NAALADL2: variants seen among roughly 807,000 people sequenced by gnomAD.
NAALADL2 encodes inactive N-acetylated-alpha-linked acidic dipeptidase-like protein 2.
A neutral mutation model predicts 87.2 loss-of-function variants in NAALADL2; 76 were observed. The ratio of observed to expected loss-of-function variants is 0.87; its 90% CI spans 0.72 to 1.05. The LOEUF (loss-of-function observed/expected upper bound fraction) is 1.05, where lower values mean the gene tolerates loss of function less well. NAALADL2 is among the 50% of genes least tolerant of loss of function. The probability of loss-of-function intolerance (pLI) is 0.00; values close to 1 mark genes in which losing one functional copy is unlikely to be tolerated. For missense variants in NAALADL2, 1,089 were observed against 945.8 expected, an observed-to-expected ratio of 1.15 and a Z score of -1.99; for synonymous variants, 354 against 331.0, an observed-to-expected ratio of 1.07 and a Z score of -0.75.
chr3:175,328,332 C>A (rs764775008), intron 5 of NAALADL2, among the ~76,000 whole-genome samples: 5 of 151,454 alleles, frequency 3.3e-5, no homozygotes, highest in African/African-American at 4.9e-5. Flanking sequence ...ACTTCTTGTT[C>A]ATTTATTTGT....
intron 13 of NAALADL2, among the ~76,000 whole-genome samples, chr3:175,787,050 G>A (rs995772571): frequency 2.0e-5 from 3 of 151,396 alleles, no homozygotes; most frequent in Non-Finnish European, 4.4e-5. Context: ...GGACCCACTT[G>A]AGGAGGCAGT....
At chr3:175,067,714 C>T (rs776884496) in intron 1 of NAALADL2, among the ~76,000 whole-genome samples, 1 of 152,006 alleles carries the variant, frequency 6.6e-6, no homozygotes, top group Non-Finnish European at 1.5e-5. Flanking sequence ...GCAGAACTAC[C>T]GTTTGACCCA....
At chr3:174,492,747 C>T (rs553282188) in intron 1 of NAALADL2, among the ~76,000 whole-genome samples, 1 of 152,172 alleles carries the variant, frequency 6.6e-6, no homozygotes, top group South Asian at 2.1e-4. Context: ...CAACAGTGCT[C>T]ATTACTAAGA....
At chr3:174,592,407 G>A (rs1000556145) in intron 2 of NAALADL2, among the ~76,000 whole-genome samples, 8 of 152,020 alleles carry the variant, frequency 5.3e-5, no homozygotes, top group Non-Finnish European at 7.4e-5. Flanking sequence ...TCAAAGATGA[G>A]ATAGTAGGCT....
intron 2 of NAALADL2, among the ~76,000 whole-genome samples, chr3:174,558,888 G>T (rs1713209327): frequency 2.0e-5 from 3 of 152,140 alleles, no homozygotes; most frequent in African/African-American, 7.2e-5. Context: ...GAAAGAAGCA[G>T]CTGCTTCCCC....
At chr3:175,660,312 A>G (rs534794760) in intron 11 of NAALADL2, among the ~76,000 whole-genome samples, 7 of 152,246 alleles carry the variant, frequency 4.6e-5, no homozygotes, top group African/African-American at 1.7e-4. Flanking sequence ...CATCAAGACA[A>G]TGCACAATAT....
At chr3:175,185,452 A>G (rs1737191140) in intron 2 of NAALADL2, among the ~76,000 whole-genome samples, 1 of 152,086 alleles carries the variant, frequency 6.6e-6, no homozygotes, top group Non-Finnish European at 1.5e-5. Context: ...TTGGATAATT[A>G]TCATAAATAT....
chr3:175,765,419 T>C (rs575763253), intron 13 of NAALADL2, among the ~76,000 whole-genome samples: 20 of 152,212 alleles, frequency 1.3e-4, no homozygotes, highest in African/African-American at 4.6e-4. Context: ...TTTTCACTCA[T>C]TTTGTCAATA....
chr3:175,452,645 A>C (rs1412216895), intron 6 of NAALADL2, among the ~76,000 whole-genome samples: 1 of 152,170 alleles, frequency 6.6e-6, no homozygotes, highest in Non-Finnish European at 1.5e-5. Context: ...GTGGAGACAA[A>C]TGCCAGATCA....
At chr3:174,453,751 T>C (rs1411625002) in intron 1 of NAALADL2, among the ~76,000 whole-genome samples, 1 of 152,054 alleles carries the variant, frequency 6.6e-6, no homozygotes. Flanking sequence ...TTACAAGAGC[T>C]CCTAAAGGAA....
At chr3:175,434,964 G>A (rs1718377810) in intron 5 of NAALADL2, among the ~76,000 whole-genome samples, 1 of 151,918 alleles carries the variant, frequency 6.6e-6, no homozygotes, top group Non-Finnish European at 1.5e-5. Flanking sequence ...TTTTTAGAAT[G>A]CTTTAGGGGA....
intron 2 of NAALADL2, among the ~76,000 whole-genome samples, chr3:174,574,698 CA>C (rs997813105): frequency 1.3e-5 from 2 of 152,074 alleles, no homozygotes. Context: ...GTTCCTTCTT[CA>C]GTCGATATTC....
At chr3:175,726,155 T>G (rs1286098245) in intron 11 of NAALADL2, among the ~76,000 whole-genome samples, 1 of 151,608 alleles carries the variant, frequency 6.6e-6, no homozygotes, top group Non-Finnish European at 1.5e-5. Context: ...GCCAAAAAGC[T>G]AATTTATTAT....
intron 5 of NAALADL2, among the ~76,000 whole-genome samples, chr3:175,403,918 G>C (rs1204172762): frequency 6.6e-6 from 1 of 152,052 alleles, no homozygotes; most frequent in Non-Finnish European, 1.5e-5. Context: ...TATTTATAAA[G>C]TGTTAAACAT....
rs1212191999 is a variant in NAALADL2 at position 175,805,120 on chromosome 3, T to C, written c.*1917T>C. ...TAAGCCCAAAAGCTAGAAAGCCTTA[T>C]ATTTAACCAAAGGTTGATGTGTTCA... On this transcript the variant is annotated 3_prime_UTR_variant, in exon 14 of 14. Coordinates refer to ENST00000454872, the MANE Select transcript of NAALADL2 (RefSeq NM_207015.3). The C allele has an allele frequency of 1.3e-5, 2 of 152,014 alleles. No individual in the cohort carries two copies. The highest frequency in any genetic ancestry group is 2.1e-4 in the South Asian group (1 of 4,828). 9.4% of individuals were successfully genotyped at this position (152,014 alleles called of 1,614,324 possible).
chr3:175,014,315 A>G (rs1353597622), intron 1 of NAALADL2, among the ~76,000 whole-genome samples: 1 of 151,980 alleles, frequency 6.6e-6, no homozygotes, highest in African/African-American at 2.4e-5. Flanking sequence ...CTATACTGAA[A>G]ACTACAACAC....
chr3:175,757,224 A>G (rs1747387141), intron 13 of NAALADL2, among the ~76,000 whole-genome samples: 1 of 152,076 alleles, frequency 6.6e-6, no homozygotes, highest in Non-Finnish European at 1.5e-5. Context: ...ACTAGGACTA[A>G]GGAATCGATG....
chr3:174,828,255 T>A (rs1722223983), intron 3 of NAALADL2, among the ~76,000 whole-genome samples: 1 of 152,204 alleles, frequency 6.6e-6, no homozygotes. Flanking sequence ...GCAGTGGCTC[T>A]CTACAAAGAA....
At chr3:175,011,264 GAGAGAGAC>G (rs761152609) in intron 1 of NAALADL2, among the ~76,000 whole-genome samples, 4,415 of 114,516 alleles carry the variant, frequency 0.039, 112 homozygotes, top group African/African-American at 0.087. Context: ...GAGAGAGAGG[GAGAGAGAC>G]AGAGAGACAG....
Sources: gnomAD v4.1 joint callset for allele counts (sites outside exome capture counted in the v4.1 genomes callset) on GRCh38, gnomAD v4.1.1 for gene constraint, MANE v1.5 for transcripts, NCBI Gene and HGNC (gene_info 2026-07-23, HGNC 2026-07-21) for gene names.